The following ACSM2A variants were observed in gnomAD, a reference collection of about 807,000 sequenced individuals.
ACSM2A encodes the protein acyl-coenzyme A synthetase ACSM2A, mitochondrial.
A neutral mutation model predicts 76.6 loss-of-function variants in ACSM2A; 72 were observed. The observed-to-expected ratio is 0.94, with a 90% CI of 0.78 to 1.14. The LOEUF (loss-of-function observed/expected upper bound fraction) is 1.14, where lower values mean the gene tolerates loss of function less well. Ranked by LOEUF, ACSM2A falls within the 50% of genes most tolerant of loss-of-function variation. The pLI is 0.00. For missense variants in ACSM2A, 684 were observed against 708.5 expected (o/e 0.97, Z 0.39); for synonymous variants, 249 against 255.9 (o/e 0.97, Z 0.26).
chr16:20,486,034 G>A (rs530156103), intron 13 of ACSM2A, among the ~76,000 whole-genome samples: 1 of 152,356 alleles, frequency 6.6e-6, no homozygotes, highest in East Asian at 1.9e-4. Context: ...AATGATTGAT[G>A]TGGAATTCAA....
At chr16:20,485,452 C>T (rs1172536236) in intron 13 of ACSM2A, among the ~76,000 whole-genome samples, 2 of 152,220 alleles carry the variant, frequency 1.3e-5, no homozygotes, top group East Asian at 3.8e-4. Flanking sequence ...CTGGATACCT[C>T]CTGTGGCTTT....
At position 20,468,190 on chromosome 16, in the gene ACSM2A, A is replaced by G. The variant is rs566409197; in HGVS notation, c.389-1322A>G. 2.6e-4 allele frequency among the ~76,000 whole-genome samples: 39 copies of G among 152,238 alleles called. No homozygotes were observed. The South Asian group carries it at 5.8e-3, about 23-fold the overall frequency. ...AGATGTGTCTATTGTTCTGTGTCTG[A>G]CTCAATTGGCCACCATGGTAGAGAA... On this transcript the variant is annotated intron_variant, in intron 3 of 13. Transcript: ENST00000573854.
At position 20,469,509 on chromosome 16, in the gene ACSM2A, T is replaced by C; in HGVS notation, c.389-3T>C. On this transcript the variant is annotated splice_region_variant and splice_polypyrimidine_tract_variant and intron_variant, in intron 3 of 13. Coordinates refer to ENST00000573854, the MANE Select transcript of ACSM2A (RefSeq NM_001308172.2). ...CAATTCTCTAAATTGTTGGCTTCTT[T>C]AGGTCTCATCTTTATGCCTGGAACC... is the stretch of plus-strand genomic sequence containing the variant. 1.2e-6 allele frequency: 2 copies of C among 1,611,612 alleles called. No individual in the cohort carries two copies. The highest frequency in any genetic ancestry group is 1.7e-5 in the Admixed American group (1 of 59,878).
In ACSM2A at chr16:20,478,686, CTG is replaced by C. The variant is rs778082657; in HGVS notation, c.1281+12_1281+13del. ...TCTTCTCTGGCTATGTGGTGAGAAA[CTG>C]TGCTCCTCCTCCTCTGTTCCCCAGT... On this transcript the variant is annotated intron_variant, in intron 10 of 13. Coordinates refer to ENST00000573854, the MANE Select transcript of ACSM2A (RefSeq NM_001308172.2). 1.2e-6 allele frequency: 2 copies of C among 1,608,694 alleles called. No homozygotes were observed. The highest frequency in any genetic ancestry group is 1.1e-5 in the South Asian group (1 of 90,282).
rs2014445419 is a variant in ACSM2A, at chr16:20,487,621, T to C, written c.*943T>C. 1 of 152,212 alleles carries C rather than the reference T, an allele frequency of 6.6e-6. No individual in the cohort carries two copies. Among genetic ancestry groups the C allele is most frequent in the Non-Finnish European group, 1.5e-5 (1 of 68,042 alleles). 9.4% of individuals were successfully genotyped at this position (152,212 alleles called of 1,614,324 possible). On this transcript the variant is annotated 3_prime_UTR_variant, in exon 14 of 14. Transcript: ENST00000573854. The stretch of plus-strand genomic sequence containing the variant: ...AGCTACCCATATCTCATGTTTTTGA[T>C]GTTATCTACTCTTCCTAGAATCAAA...
chr16:20,481,007 G>A (rs2014052847), intron 12 of ACSM2A, 86 bp downstream of exon 12: 7 of 1,506,764 alleles, frequency 4.6e-6, no homozygotes, highest in South Asian at 1.2e-5. Context: ...GGACTGTGGG[G>A]CTGAACACTC....
rs369633543 is a variant in ACSM2A at position 20,480,884 on chromosome 16, C to T, written c.1472C>T (p.Thr491Met). ...ALMEHPAVVETAVISSPDPVR... is the reference protein window; with the variant it reads ...ALMEHPAVVEMAVISSPDPVR... ...ATGGAGCACCCTGCTGTGGTTGAGA[C>T]GGCTGTGATCAGCAGCCCAGACCCC... Residue 491 changes from threonine to methionine, a missense_variant, in exon 12 of 14, where the codon ACG becomes ATG. Physicochemically the swap from Thr to Met is moderately conservative, Grantham distance 81. Transcript: ENST00000573854. 1.1e-4 allele frequency: 183 copies of T among 1,613,886 alleles called. No individual in the cohort carries two copies. The East Asian group carries it at 1.4e-3, about 12-fold the overall frequency.
chr16:20,470,150 T>C lies in ACSM2A; in HGVS notation c.596+431T>C, dbSNP rs371832345. The stretch of plus-strand genomic sequence containing the variant: ...ACTATGGGGCACAAAGTGAATCACT[T>C]GTGATGCACACTGGAAACAACATGA... On this transcript the variant is annotated intron_variant, in intron 4 of 13. Transcript: ENST00000573854. 4.7e-3 allele frequency among the ~76,000 whole-genome samples: 721 copies of C among 152,024 alleles called. 3 individuals carry two copies. The highest frequency in any genetic ancestry group is 0.016 in the African/African-American group (660 of 41,322).
At chr16:20,477,781 T>A (rs552748464) in intron 9 of ACSM2A, among the ~76,000 whole-genome samples, 3 of 152,310 alleles carry the variant, frequency 2.0e-5, no homozygotes, top group South Asian at 4.1e-4. Flanking sequence ...ATTTAACAAT[T>A]TAGGTAAGGA....
chr16:20,474,512 C>T (rs556698496), intron 6 of ACSM2A, among the ~76,000 whole-genome samples: 1 of 152,278 alleles, frequency 6.6e-6, no homozygotes, highest in Non-Finnish European at 1.5e-5. Context: ...GACTTTCCAG[C>T]CCCTAGAACT....
At chr16:20,466,796 G>T (rs2013026400) in intron 3 of ACSM2A, among the ~76,000 whole-genome samples, 1 of 152,156 alleles carries the variant, frequency 6.6e-6, no homozygotes, top group Non-Finnish European at 1.5e-5. Flanking sequence ...CAGACTTAGG[G>T]TTTACCATAA....
At chr16:20,455,204 A>C (rs990627570) in intron 1 of ACSM2A, among the ~76,000 whole-genome samples, 3 of 151,680 alleles carry the variant, frequency 2.0e-5, no homozygotes, top group African/African-American at 7.3e-5. Context: ...GAGACATCTA[A>C]AAGTTTGGGA....
intron 12 of ACSM2A, chr16:20,481,572 G>A (rs2014084543): frequency 1.3e-5 from 2 of 151,052 alleles, no homozygotes; most frequent in Admixed American, 6.6e-5. Context: ...TGGGAAGGGT[G>A]TGTGGGTGGG....
intron 1 of ACSM2A, chr16:20,452,380 G>C (rs1209513799): frequency 7.3e-6 from 1 of 137,112 alleles, no homozygotes; most frequent in Non-Finnish European, 1.5e-5. Flanking sequence ...TTGAACATCA[G>C]ACTCCAGGTT....
intron 6 of ACSM2A, chr16:20,474,121 G>A (rs2013581156): frequency 2.3e-6 from 1 of 428,740 alleles, no homozygotes; most frequent in Admixed American, 2.5e-5. Context: ...TAAAACCAAG[G>A]TGCACCCTGA....
chr16:20,486,746 C>T lies in ACSM2A; in HGVS notation c.*68C>T, dbSNP rs2014402571. The T allele has an allele frequency of 1.3e-6, 2 of 1,566,344 alleles. No homozygotes were observed. Among genetic ancestry groups the T allele is most frequent in the Non-Finnish European group, 1.8e-6 (2 of 1,140,386 alleles). ...TTTCTTTTCCCTTTGGGCCCTTGGC[C>T]TTCCTATGATTATATGAGATTCTTT... On this transcript the variant is annotated 3_prime_UTR_variant, in exon 14 of 14. Coordinates refer to ENST00000573854, the MANE Select transcript of ACSM2A (RefSeq NM_001308172.2).
intron 3 of ACSM2A, among the ~76,000 whole-genome samples, chr16:20,468,763 A>G (rs1461471506): frequency 5.3e-5 from 8 of 152,148 alleles, no homozygotes; most frequent in African/African-American, 1.9e-4. Context: ...GGGGTATAAA[A>G]CCTCATTTAT....
chr16:20,459,350 C>T (rs1365129713), intron 1 of ACSM2A, among the ~76,000 whole-genome samples: 2 of 152,074 alleles, frequency 1.3e-5, no homozygotes, highest in Non-Finnish European at 2.9e-5. Context: ...TGGATAGGAC[C>T]TGGGATTTAG....
In ACSM2A at chr16:20,467,202, G is replaced by C. The variant is rs942723947; in HGVS notation, c.388+1475G>C. Among the ~76,000 whole-genome samples, 34 of 152,330 alleles carry C rather than the reference G, an allele frequency of 2.2e-4. 1 individual carries two copies. The highest frequency in any genetic ancestry group is 6.3e-4 in the African/African-American group (26 of 41,568). On this transcript the variant is annotated intron_variant, in intron 3 of 13. Transcript: ENST00000573854. ...AGGATATCTATGTGCCTGAAGTCCA[G>C]GCCATAAAAGAAAGTAGTGGCAATA...
Sources: gnomAD v4.1 joint callset for allele counts (sites outside exome capture counted in the v4.1 genomes callset) on GRCh38, gnomAD v4.1.1 for gene constraint, MANE v1.5 for transcripts, NCBI Gene and HGNC (gene_info 2026-07-23, HGNC 2026-07-21) for gene names.